The following NHSL2 variants were observed in gnomAD, a reference collection of about 807,000 sequenced individuals.
NHSL2 encodes NHS like 2.
In NHSL2, 27 loss-of-function variants were observed where a neutral mutation model predicts 53.4. The ratio of observed to expected loss-of-function variants is 0.51; its 90% CI spans 0.37 to 0.70. The LOEUF is 0.70. Among genes scored for constraint, NHSL2 ranks in the 30% least tolerant of loss-of-function variants. The pLI, the probability that NHSL2 is intolerant of heterozygous loss-of-function variation, is 0.00. For synonymous variants in NHSL2, 408 were observed against 404.1 expected (o/e 1.01, Z -0.12); for missense variants, 892 against 980.1 (o/e 0.91, Z 1.20).
intron 1 of NHSL2, among the ~76,000 whole-genome samples, chrX:71,917,689 G>A (rs1249272270): frequency 9.0e-6 from 1 of 111,280 alleles, no homozygotes; most frequent in African/African-American, 3.3e-5. Context: ...CCAGGAAGAT[G>A]TGATGTCTGA....
intron 1 of NHSL2, among the ~76,000 whole-genome samples, chrX:72,050,539 A>T (rs1228321133): frequency 8.9e-6 from 1 of 111,860 alleles, no homozygotes; most frequent in Non-Finnish European, 1.9e-5. Context: ...CATATGAACC[A>T]CCCAAAATGA....
intron 1 of NHSL2, among the ~76,000 whole-genome samples, chrX:71,925,224 T>C (rs1358862105): frequency 4.5e-5 from 5 of 111,713 alleles, no homozygotes; most frequent in Non-Finnish European, 9.4e-5. Flanking sequence ...TTGCCTGCAA[T>C]AGGATATACC....
intron 1 of NHSL2, chrX:72,131,842 C>T: frequency 1.2e-5 from 3 of 254,332 alleles, no homozygotes; most frequent in East Asian, 9.2e-5. Flanking sequence ...GCGGCGGCGA[C>T]CGCGCGACCG....
At chrX:72,017,978 T>C (rs1378735121) in intron 1 of NHSL2, among the ~76,000 whole-genome samples, 2 of 111,486 alleles carry the variant, frequency 1.8e-5, no homozygotes, top group Non-Finnish European at 3.8e-5. Context: ...TCCAATCTGT[T>C]TTCCTTTGGT....
At position 72,144,352 on chromosome X, in the gene NHSL2, G is replaced by T; in HGVS notation, c.*778G>T. On this transcript the variant is annotated 3_prime_UTR_variant, in exon 8 of 8. Coordinates refer to ENST00000633930, the MANE Select transcript of NHSL2 (RefSeq NM_001013627.3). ...AACAAGACAGCCATTTGTTCACTCA[G>T]ATCTAGCCGAGGTAACTCACAAGTG... is the stretch of plus-strand genomic sequence containing the variant. 3.4e-6 allele frequency: 1 copy of T among 294,807 alleles called. No homozygotes were observed. 24.3% of individuals were successfully genotyped at this position (294,807 alleles called of 1,213,427 possible).
intron 1 of NHSL2, among the ~76,000 whole-genome samples, chrX:72,086,683 C>CAA (rs34481140): frequency 0.02 from 455 of 22,209 alleles, 7 homozygotes; most frequent in Non-Finnish European, 0.027. Flanking sequence ...AACTCCATCT[C>CAA]AAAAAAAAAA....
intron 2 of NHSL2, among the ~76,000 whole-genome samples, chrX:72,133,085 A>G (rs1284212081): frequency 8.9e-6 from 1 of 112,334 alleles, no homozygotes. Flanking sequence ...AAAAGAGTCG[A>G]TGTGCTCTGT....
At chrX:72,049,808 G>T (rs2147928690) in intron 1 of NHSL2, among the ~76,000 whole-genome samples, 1 of 103,833 alleles carries the variant, frequency 9.6e-6, no homozygotes, top group Non-Finnish European at 2.0e-5. Flanking sequence ...GGAAGAGCTG[G>T]GAACGCTCAA....
At chrX:72,074,770 G>A (rs1033298181) in intron 1 of NHSL2, among the ~76,000 whole-genome samples, 2 of 112,468 alleles carry the variant, frequency 1.8e-5, no homozygotes, top group Non-Finnish European at 3.8e-5. Context: ...ACATGCAAAA[G>A]GCAAAACACA....
chrX:72,015,887 G>T (rs1456295843), intron 1 of NHSL2, among the ~76,000 whole-genome samples: 1 of 111,207 alleles, frequency 9.0e-6, no homozygotes, highest in Non-Finnish European at 1.9e-5. Context: ...ATTGTTCTTT[G>T]TCTAATACAT....
In NHSL2 at chrX:72,153,172, TCTTTA is replaced by T. The variant is rs2147547896; in HGVS notation, c.*9599_*9603del. 1.2e-4 allele frequency: 1 copy of T among 8,266 alleles called. No homozygotes were observed. The highest frequency in any genetic ancestry group is 1.5e-4 in the African/African-American group (1 of 6,787). The allele number at this position is 8,266 out of a possible 1,213,427, so 0.7% of individuals were successfully genotyped here. A position where few individuals can be genotyped will look rare whatever the true frequency, so the allele number is the denominator to read the frequency against. On this transcript the variant is annotated 3_prime_UTR_variant, in exon 8 of 8. Transcript: ENST00000633930. ...TATTACAAAGGGTTTTTCTTGTCTT[TCTTTA>T]AAAAAAAAAAGGCATTCCTTACTGG...
chrX:71,970,955 TA>T (rs1272045181), intron 1 of NHSL2, among the ~76,000 whole-genome samples: 1 of 111,096 alleles, frequency 9.0e-6, no homozygotes, highest in Admixed American at 9.6e-5. Context: ...GTTAATTTTT[TA>T]ATTTTTTGTA....
chrX:72,045,993 A>C (rs968783141), intron 1 of NHSL2, among the ~76,000 whole-genome samples: 3 of 111,848 alleles, frequency 2.7e-5, no homozygotes, highest in Admixed American at 9.5e-5. Context: ...AGCTGCAGAC[A>C]ACCCCCACTC....
intron 1 of NHSL2, among the ~76,000 whole-genome samples, chrX:71,990,652 C>G (rs2042023253): frequency 9.0e-6 from 1 of 111,658 alleles, no homozygotes; most frequent in African/African-American, 3.3e-5. Flanking sequence ...CTACTACTTT[C>G]TGTGCCTCCA....
chrX:71,978,054 A>C (rs1163373856), intron 1 of NHSL2, among the ~76,000 whole-genome samples: 1 of 111,915 alleles, frequency 8.9e-6, no homozygotes, highest in Non-Finnish European at 1.9e-5. Context: ...GTGTAAAAAA[A>C]AGAGATAAGA....
intron 1 of NHSL2, among the ~76,000 whole-genome samples, chrX:72,102,321 C>T (rs1190908800): frequency 8.9e-6 from 1 of 111,949 alleles, no homozygotes; most frequent in East Asian, 2.8e-4. Flanking sequence ...CTAGGAGTCT[C>T]GAAGCCTTGC....
intron 1 of NHSL2, among the ~76,000 whole-genome samples, chrX:71,934,862 G>A (rs1240042052): frequency 3.6e-5 from 4 of 112,178 alleles, no homozygotes; most frequent in Non-Finnish European, 5.6e-5. Context: ...GTTAGATGGC[G>A]TCCATTCTTA....
At chrX:71,923,575 C>A (rs180954770) in intron 1 of NHSL2, among the ~76,000 whole-genome samples, 214 of 112,045 alleles carry the variant, frequency 1.9e-3, no homozygotes, top group African/African-American at 6.6e-3. Context: ...CAGTGATATA[C>A]CCTGTTCTTG....
At chrX:71,974,823 T>C (rs893447585) in intron 1 of NHSL2, among the ~76,000 whole-genome samples, 7 of 112,085 alleles carry the variant, frequency 6.2e-5, no homozygotes, top group African/African-American at 2.3e-4. Flanking sequence ...GTGGAACTCC[T>C]ACCTTAATGG....
Sources: allele counts gnomAD v4.1 joint callset (sites outside exome capture counted in the v4.1 genomes callset), GRCh38; gene constraint gnomAD v4.1.1; transcripts MANE v1.5; gene names NCBI Gene and HGNC (gene_info 2026-07-23, HGNC 2026-07-21).